Variants in SLC9A9 observed in about 807,000 individuals in gnomAD.
SLC9A9 encodes the protein sodium/hydrogen exchanger 9.
Under a neutral mutation model 77.8 loss-of-function variants are expected in SLC9A9, and 62 were observed. The ratio of observed to expected loss-of-function variants is 0.80; its 90% CI spans 0.65 to 0.98. The LOEUF (loss-of-function observed/expected upper bound fraction) is 0.98, where lower values mean the gene tolerates loss of function less well. Ranked by LOEUF, SLC9A9 falls within the 50% of genes least tolerant of loss-of-function variation. SLC9A9 has a pLI of 0.00. For synonymous variants in SLC9A9, 320 were observed against 283.5 expected (o/e 1.13, Z -1.29); for missense variants, 775 against 774.9 (o/e 1.00, Z 0.00).
At chr3:143,351,938 GGGAAAAAAA>G (rs988047752) in intron 14 of SLC9A9, among the ~76,000 whole-genome samples, 44 of 152,124 alleles carry the variant, frequency 2.9e-4, no homozygotes, top group African/African-American at 9.2e-4. Context: ...TAAGAAAAGG[GGGAAAAAAA>G]GGAAAAAAAG....
chr3:143,480,873 TC>T (rs1041040145), intron 11 of SLC9A9, among the ~76,000 whole-genome samples: 2 of 152,102 alleles, frequency 1.3e-5, no homozygotes, highest in Non-Finnish European at 2.9e-5. Flanking sequence ...GACAAAGGAT[TC>T]CTGACAGTGT....
chr3:143,267,409 T>G (rs1323125034), intron 15 of SLC9A9, among the ~76,000 whole-genome samples: 1 of 150,254 alleles, frequency 6.7e-6, no homozygotes, highest in Non-Finnish European at 1.5e-5. Context: ...AGTGCAGTGT[T>G]GCGATCTCAG....
intron 12 of SLC9A9, among the ~76,000 whole-genome samples, chr3:143,395,682 T>G: frequency 6.6e-6 from 1 of 152,068 alleles, no homozygotes; most frequent in East Asian, 1.9e-4. Context: ...TGGGAGAAAA[T>G]TTTTGCAATC....
chr3:143,458,630 G>C (rs2035134884), intron 12 of SLC9A9, among the ~76,000 whole-genome samples: 1 of 152,016 alleles, frequency 6.6e-6, no homozygotes, highest in South Asian at 2.1e-4. Context: ...ATTACAGTAT[G>C]AGTATATAAT....
chr3:143,785,381 C>T (rs1387497775), intron 4 of SLC9A9, among the ~76,000 whole-genome samples: 2 of 152,116 alleles, frequency 1.3e-5, no homozygotes, highest in Non-Finnish European at 2.9e-5. Flanking sequence ...GGATTAAAAC[C>T]CCACCTGTGC....
intron 12 of SLC9A9, among the ~76,000 whole-genome samples, chr3:143,450,449 A>G (rs2034986489): frequency 2.6e-5 from 4 of 151,770 alleles, no homozygotes; most frequent in African/African-American, 9.7e-5. Flanking sequence ...GACTTTAGAA[A>G]AACGTACTCA....
chr3:143,743,228 T>A (rs1250066954), intron 4 of SLC9A9, among the ~76,000 whole-genome samples: 2 of 131,620 alleles, frequency 1.5e-5, no homozygotes, highest in Admixed American at 7.8e-5. Flanking sequence ...GATGGATGGA[T>A]GGATGGATGG....
chr3:143,721,676 G>A (rs1032082963), intron 4 of SLC9A9, among the ~76,000 whole-genome samples: 6 of 152,176 alleles, frequency 3.9e-5, no homozygotes, highest in South Asian at 2.1e-4. Flanking sequence ...AAGCAGCCAC[G>A]TCTTTACAGA....
At chr3:143,488,259 C>T (rs1013889248) in intron 11 of SLC9A9, among the ~76,000 whole-genome samples, 2 of 151,842 alleles carry the variant, frequency 1.3e-5, no homozygotes, top group African/African-American at 2.4e-5. Flanking sequence ...AATCAGTAAT[C>T]AAAAATCTCC....
chr3:143,308,992 G>A (rs1269397813), intron 14 of SLC9A9, among the ~76,000 whole-genome samples: 3 of 152,132 alleles, frequency 2.0e-5, no homozygotes, highest in Non-Finnish European at 4.4e-5. Flanking sequence ...GAGCTTACCA[G>A]CTCTAAGTCT....
chr3:143,395,205 A>T (rs1004471469), intron 12 of SLC9A9, among the ~76,000 whole-genome samples: 4 of 152,220 alleles, frequency 2.6e-5, no homozygotes, highest in Admixed American at 2.6e-4. Flanking sequence ...ACTATACTAT[A>T]AGGCTACAGT....
At chr3:143,767,776 C>A (rs1016851896) in intron 4 of SLC9A9, among the ~76,000 whole-genome samples, 3 of 152,104 alleles carry the variant, frequency 2.0e-5, no homozygotes, top group Admixed American at 2.0e-4. Context: ...TGCCTAATTT[C>A]CAACCATCTT....
chr3:143,776,825 G>A (rs1310055204), intron 4 of SLC9A9, among the ~76,000 whole-genome samples: 3 of 152,194 alleles, frequency 2.0e-5, no homozygotes, highest in Admixed American at 2.0e-4. Flanking sequence ...TATAATCATG[G>A]TTGGAATATT....
intron 4 of SLC9A9, among the ~76,000 whole-genome samples, chr3:143,790,695 A>G (rs999359938): frequency 2.6e-5 from 4 of 152,218 alleles, no homozygotes; most frequent in Non-Finnish European, 5.9e-5. Context: ...AATGATAATA[A>G]CAGTATTTAC....
In SLC9A9 at chr3:143,438,924, A is replaced by G. The variant is rs562176086; in HGVS notation, c.1469+28113T>C. On this transcript the variant is annotated intron_variant, in intron 12 of 15. Coordinates refer to ENST00000316549, the MANE Select transcript of SLC9A9 (RefSeq NM_173653.4). ...AGCCCAGGGCTTTTGCTGCAATAAT[A>G]TGCTGCTTCCTGTGTTCTTACTAAG... is the stretch of plus-strand genomic sequence containing the variant. Among the ~76,000 whole-genome samples the G allele has an allele frequency of 4.3e-3, 652 of 152,312 alleles. 7 individuals carry two copies. The highest frequency in any genetic ancestry group is 4.5e-3 in the Non-Finnish European group (309 of 68,020).
chr3:143,456,869 A>G (rs1490892384), intron 12 of SLC9A9, among the ~76,000 whole-genome samples: 2 of 152,030 alleles, frequency 1.3e-5, no homozygotes, highest in African/African-American at 4.8e-5. Flanking sequence ...GGCCAATTCT[A>G]TATTTTTAAT....
intron 9 of SLC9A9, among the ~76,000 whole-genome samples, chr3:143,529,193 C>T (rs2036461775): frequency 6.6e-6 from 1 of 152,074 alleles, no homozygotes; most frequent in Non-Finnish European, 1.5e-5. Flanking sequence ...GGGAAATGCC[C>T]CTCTGGGAGG....
At chr3:143,841,954 C>A (rs1440529122) in intron 1 of SLC9A9, among the ~76,000 whole-genome samples, 1 of 152,120 alleles carries the variant, frequency 6.6e-6, no homozygotes, top group Non-Finnish European at 1.5e-5. Context: ...AGAGTTTCAT[C>A]ATGTTGGTCA....
chr3:143,274,198 G>C (rs1255173455), intron 14 of SLC9A9, among the ~76,000 whole-genome samples: 2 of 152,092 alleles, frequency 1.3e-5, no homozygotes, highest in Non-Finnish European at 2.9e-5. Context: ...TTGTTATAAG[G>C]GTAAAATGCT....
Sources: allele counts gnomAD v4.1 joint callset (sites outside exome capture counted in the v4.1 genomes callset), GRCh38; gene constraint gnomAD v4.1.1; transcripts MANE v1.5; gene names NCBI Gene and HGNC (gene_info 2026-07-23, HGNC 2026-07-21).